Variants in TXNDC16 observed in about 807,000 individuals in gnomAD.
TXNDC16 encodes the protein thioredoxin domain containing 16.
A neutral mutation model predicts 85.6 loss-of-function variants in TXNDC16; 74 were observed. The ratio of observed to expected loss-of-function variants is 0.86; its 90% CI spans 0.72 to 1.05. The LOEUF is 1.05. Ranked by LOEUF, TXNDC16 falls within the 50% of genes least tolerant of loss-of-function variation. The pLI, the probability that TXNDC16 is intolerant of heterozygous loss-of-function variation, is 0.00. For missense variants in TXNDC16, 959 were observed against 947.0 expected (o/e 1.01, Z -0.17); for synonymous variants, 335 against 326.5 (o/e 1.03, Z -0.28).
At chr14:52,500,704 G>A (rs1298724871) in intron 9 of TXNDC16, among the ~76,000 whole-genome samples, 1 of 152,066 alleles carries the variant, frequency 6.6e-6, no homozygotes. Flanking sequence ...CTAGAAATAG[G>A]AGCTAAATGA....
chr14:52,484,749 C>T (rs1285699620), intron 12 of TXNDC16, among the ~76,000 whole-genome samples: 2 of 152,022 alleles, frequency 1.3e-5, no homozygotes, highest in Non-Finnish European at 2.9e-5. Flanking sequence ...GGCATGGTGG[C>T]GCATGCTTGT....
chr14:52,507,513 C>T (rs1176442406), intron 9 of TXNDC16, among the ~76,000 whole-genome samples: 1 of 152,136 alleles, frequency 6.6e-6, no homozygotes, highest in Admixed American at 6.5e-5. Flanking sequence ...AGATTCAATG[C>T]CAACCCCATC....
rs901180882 is a variant in TXNDC16 at position 52,542,467 on chromosome 14, T to C, written c.161-14A>G. 1 of 1,595,260 alleles carries C rather than the reference T, an allele frequency of 6.3e-7. No homozygotes were observed. Among genetic ancestry groups the C allele is most frequent in the Non-Finnish European group, 8.6e-7 (1 of 1,165,648 alleles). ...TTCTTGGGGAATCTAAAACAACAAA[T>C]GTTTCATGAATGTTTATGAATTGCC... On this transcript the variant is annotated splice_polypyrimidine_tract_variant and intron_variant, in intron 3 of 20. Coordinates refer to ENST00000281741, the MANE Select transcript of TXNDC16 (RefSeq NM_020784.3).
chr14:52,450,110 G>C (rs781728657), intron 18 of TXNDC16, among the ~76,000 whole-genome samples: 3 of 151,916 alleles, frequency 2.0e-5, no homozygotes, highest in Non-Finnish European at 4.4e-5. Flanking sequence ...AAATGAAATT[G>C]AAATGAAGAG....
chr14:52,504,776 A>T (rs941694897), intron 9 of TXNDC16, among the ~76,000 whole-genome samples: 87 of 152,238 alleles, frequency 5.7e-4, no homozygotes, highest in African/African-American at 1.9e-3. Flanking sequence ...ACAGCCTGGC[A>T]AATTGGATAA....
chr14:52,536,710 T>C lies in TXNDC16; in HGVS notation c.392+9A>G. On this transcript the variant is annotated intron_variant, in intron 6 of 20. Transcript: ENST00000281741. ...AGTAAACAAATGAATGTGTAGCCCC[T>C]GTACTTACAAGAGAACATGGGCGAC... The C allele has an allele frequency of 2.5e-6, 4 of 1,603,256 alleles. No individual in the cohort carries two copies. The highest frequency in any genetic ancestry group is 3.4e-6 in the Non-Finnish European group (4 of 1,173,152).
At chr14:52,529,226 G>A (rs1336870724) in intron 6 of TXNDC16, among the ~76,000 whole-genome samples, 1 of 146,280 alleles carries the variant, frequency 6.8e-6, no homozygotes, top group Non-Finnish European at 1.5e-5. Flanking sequence ...CTATCGCAAG[G>A]ACAAAAAACC....
intron 20 of TXNDC16, among the ~76,000 whole-genome samples, chr14:52,436,275 T>C (rs1176893196): frequency 1.3e-5 from 2 of 152,206 alleles, no homozygotes; most frequent in East Asian, 1.9e-4. Flanking sequence ...TATAACGTGG[T>C]TGATCCTTGA....
In TXNDC16 at chr14:52,432,637, C is replaced by A; in HGVS notation, c.2195-50G>T. 2.1e-6 allele frequency: 3 copies of A among 1,460,254 alleles called. No individual in the cohort carries two copies. In the South Asian group the frequency reaches 4.1e-5, roughly 20 times the overall value. The allele number at this position is 1,460,254 out of a possible 1,614,324, so 90.5% of individuals were successfully genotyped here. On this transcript the variant is annotated intron_variant, in intron 20 of 20. Transcript: ENST00000281741. ...TTAAAGATTAACAGCTATAAATCGT[C>A]ACATCAACATATTAGAAAATGTTTT... is the stretch of plus-strand genomic sequence containing the variant.
chr14:52,515,943 T>C (rs1041274527), intron 7 of TXNDC16, among the ~76,000 whole-genome samples: 7 of 152,120 alleles, frequency 4.6e-5, no homozygotes, highest in South Asian at 2.1e-4. Context: ...CTTTCCCTTT[T>C]TGAGAAACTT....
intron 9 of TXNDC16, among the ~76,000 whole-genome samples, chr14:52,494,418 TG>T: frequency 6.6e-6 from 1 of 152,214 alleles, no homozygotes; most frequent in South Asian, 2.1e-4. Context: ...CTGTAGGAAA[TG>T]AGAACAACCC....
intron 6 of TXNDC16, among the ~76,000 whole-genome samples, chr14:52,529,998 A>G (rs1320750237): frequency 9.6e-6 from 1 of 104,076 alleles, no homozygotes; most frequent in African/African-American, 4.0e-5. Context: ...TAATTCATAT[A>G]TATAATATAT....
intron 16 of TXNDC16, chr14:52,462,750 T>C (rs1746626410): frequency 5.6e-6 from 2 of 355,308 alleles, no homozygotes; most frequent in African/African-American, 2.1e-5. Context: ...TCCTCATTTT[T>C]AAATGTACTT....
At chr14:52,519,432 A>G (rs1194622426) in intron 6 of TXNDC16, 139 bp from the exon 7 acceptor site, 3 of 620,996 alleles carry the variant, frequency 4.8e-6, no homozygotes, top group Non-Finnish European at 8.2e-6. Context: ...AAGCATTTTA[A>G]TAATACTAAA....
intron 14 of TXNDC16, among the ~76,000 whole-genome samples, chr14:52,473,414 C>T (rs151085523): frequency 6.6e-6 from 1 of 152,298 alleles, no homozygotes; most frequent in East Asian, 1.9e-4. Flanking sequence ...CTTCCAGCTG[C>T]AGTTCTTTCC....
At chr14:52,548,182 C>T (rs1034684013) in intron 1 of TXNDC16, among the ~76,000 whole-genome samples, 1 of 152,196 alleles carries the variant, frequency 6.6e-6, no homozygotes, top group Non-Finnish European at 1.5e-5. Context: ...GTGACGGTTA[C>T]TATGGGACTG....
chr14:52,455,857 A>T (rs1023015182), intron 17 of TXNDC16, among the ~76,000 whole-genome samples: 1 of 152,182 alleles, frequency 6.6e-6, no homozygotes, highest in African/African-American at 2.4e-5. Context: ...TATACTAGGT[A>T]TTTCAATTAT....
intron 16 of TXNDC16, among the ~76,000 whole-genome samples, chr14:52,460,422 A>C (rs1449175215): frequency 3.3e-5 from 5 of 152,220 alleles, no homozygotes; most frequent in Admixed American, 3.3e-4. Flanking sequence ...CTAGAAAAAA[A>C]GTATTTCAAA....
intron 16 of TXNDC16, among the ~76,000 whole-genome samples, chr14:52,466,963 T>C (rs2035791127): frequency 6.6e-6 from 1 of 151,868 alleles, no homozygotes; most frequent in African/African-American, 2.4e-5. Flanking sequence ...TATAAATTAC[T>C]AATGTTCACC....
Sources: gnomAD v4.1 joint callset for allele counts (sites outside exome capture counted in the v4.1 genomes callset) on GRCh38, gnomAD v4.1.1 for gene constraint, MANE v1.5 for transcripts, NCBI Gene and HGNC (gene_info 2026-07-23, HGNC 2026-07-21) for gene names.